NCOA2: variants seen among roughly 807,000 people sequenced by gnomAD.
NCOA2 encodes class E basic helix-loop-helix protein 75.
A neutral mutation model predicts 145.1 loss-of-function variants in NCOA2; 21 were observed. The ratio of observed to expected loss-of-function variants is 0.14; its 90% CI spans 0.10 to 0.21. NCOA2 has a LOEUF of 0.21. NCOA2 is among the 10% of genes least tolerant of loss of function. NCOA2 has a pLI of 1.00. For synonymous variants in NCOA2, 619 were observed against 637.5 expected, an observed-to-expected ratio of 0.97 and a Z score of 0.44; for missense variants, 1,472 against 1,837.6, an observed-to-expected ratio of 0.80 and a Z score of 3.64.
chr8:70,225,181 A>T (rs188699215), intron 2 of NCOA2, among the ~76,000 whole-genome samples: 34 of 152,242 alleles, frequency 2.2e-4, no homozygotes, highest in Non-Finnish European at 2.8e-4. Flanking sequence ...TTCTAACAGG[A>T]AAGTAGGGAG....
intron 4 of NCOA2, among the ~76,000 whole-genome samples, chr8:70,196,060 G>A (rs116408111): frequency 0.011 from 1,605 of 152,298 alleles, 27 homozygotes; most frequent in African/African-American, 0.036. Flanking sequence ...AGGAATTCTC[G>A]CATCTGGAGG....
intron 6 of NCOA2, among the ~76,000 whole-genome samples, chr8:70,169,785 ATC>A (rs1301898834): frequency 6.6e-6 from 1 of 152,146 alleles, no homozygotes; most frequent in Non-Finnish European, 1.5e-5. Flanking sequence ...AAATACAACA[ATC>A]TTAATGAAAA....
At chr8:70,338,851 C>T (rs114179741) in intron 1 of NCOA2, among the ~76,000 whole-genome samples, 1,750 of 152,186 alleles carry the variant, frequency 0.011, 44 homozygotes, top group African/African-American at 0.04. Context: ...ACAAAAAACA[C>T]ATGATTATCT....
rs1306285677 is a variant in NCOA2 at position 70,110,182 on chromosome 8, CAGTT to C, written c.*3446_*3449del. On this transcript the variant is annotated 3_prime_UTR_variant, in exon 23 of 23. Coordinates refer to ENST00000452400, the MANE Select transcript of NCOA2 (RefSeq NM_006540.4). ...CACAAATGACAAAGGAAAAAAATGACAGTTAAATGTCTGAAGAAATGTATCATCA... is the reference window on the plus strand; with the variant it reads ...CACAAATGACAAAGGAAAAAAATGACAAATGTCTGAAGAAATGTATCATCA... The C allele has an allele frequency of 9.9e-6, 2 of 201,534 alleles. No homozygotes were observed. The highest frequency in any genetic ancestry group is 4.6e-5 in the African/African-American group (2 of 43,702). 12.5% of individuals were successfully genotyped at this position (201,534 alleles called of 1,614,324 possible). A position where few individuals can be genotyped will look rare whatever the true frequency, so the allele number is the denominator to read the frequency against.
rs1198424071 is a variant in NCOA2, at chr8:70,144,807, G to A, written c.2647C>T (p.Pro883Ser). Residue 883 changes from proline (P) to serine (S), a missense_variant, in exon 13 of 23, where the codon CCA becomes TCA. Pro to Ser is a moderately conservative substitution (Grantham distance 74). This residue lies in a region of NCOA2 where 953 missense variants were observed against 1,062.1 expected (regional missense o/e 0.90). Transcript: ENST00000452400. ...PRPGQLGRLL[P>S]NQNLPLDITL... ...ATGTCAAGTGGTAAATTCTGGTTTG[G>A]CAATAACCTGCCCAGTTGCCCTGGT... is the stretch of plus-strand genomic sequence containing the variant. The A allele has an allele frequency of 6.2e-7, 1 of 1,613,848 alleles. No individual in the cohort carries two copies. The highest frequency in any genetic ancestry group is 8.5e-7 in the Non-Finnish European group (1 of 1,179,878).
At chr8:70,164,213 A>G (rs754886015) in intron 7 of NCOA2, among the ~76,000 whole-genome samples, 77 of 152,198 alleles carry the variant, frequency 5.1e-4, no homozygotes, top group Non-Finnish European at 9.7e-4. Flanking sequence ...CACACAGCCA[A>G]TTCTAATCAC....
chr8:70,403,129 G>C (rs998310520), intron 1 of NCOA2, among the ~76,000 whole-genome samples: 1 of 150,474 alleles, frequency 6.6e-6, no homozygotes, highest in Non-Finnish European at 1.5e-5. Flanking sequence ...GCCTCCCCTC[G>C]CCCGGCTCCC....
At chr8:70,276,997 A>G (rs1825516382) in intron 2 of NCOA2, among the ~76,000 whole-genome samples, 1 of 152,242 alleles carries the variant, frequency 6.6e-6, no homozygotes, top group African/African-American at 2.4e-5. Context: ...AAGCACAAAT[A>G]CTTTCTCTTA....
chr8:70,281,920 A>G (rs1232012608), intron 2 of NCOA2, among the ~76,000 whole-genome samples: 3 of 152,230 alleles, frequency 2.0e-5, no homozygotes, highest in Admixed American at 6.5e-5. Flanking sequence ...AAGCCTTCCT[A>G]AAAGTGTATG....
At chr8:70,281,355 C>CAAAAAA (rs372574771) in intron 2 of NCOA2, among the ~76,000 whole-genome samples, 2 of 61,020 alleles carry the variant, frequency 3.3e-5, no homozygotes, top group Admixed American at 2.0e-4. Context: ...GACCCTGTCT[C>CAAAAAA]AAAAAAAAAA....
rs964447659 is a variant in NCOA2, at chr8:70,111,959, GTT to G, written c.*1671_*1672del. On this transcript the variant is annotated 3_prime_UTR_variant, in exon 23 of 23. Coordinates refer to ENST00000452400, the MANE Select transcript of NCOA2 (RefSeq NM_006540.4). Reference sequence around the variant, plus strand: ...AGAAATAGCTCAAAAAAGGTCATCAGTTTCTTGGTATTGGAGTTGTCTGAAAC... The same window carrying G: ...AGAAATAGCTCAAAAAAGGTCATCAGTCTTGGTATTGGAGTTGTCTGAAAC... The G allele has an allele frequency of 1.4e-4, 32 of 222,292 alleles. No homozygotes were observed. Among genetic ancestry groups the G allele is most frequent in the Admixed American group, 1.1e-4 (2 of 17,424 alleles). The allele number at this position is 222,292 out of a possible 1,614,324, so 13.8% of individuals were successfully genotyped here.
intron 1 of NCOA2, among the ~76,000 whole-genome samples, chr8:70,301,655 C>CAAAAAAAAAAAA (rs71275063): frequency 1.7e-5 from 1 of 60,164 alleles, no homozygotes; most frequent in East Asian, 6.3e-4. Flanking sequence ...GACCCTTTCT[C>CAAAAAAAAAAAA]AAAAAAAAAA....
intron 4 of NCOA2, among the ~76,000 whole-genome samples, chr8:70,203,670 T>G (rs34583714): frequency 1.3e-5 from 2 of 152,216 alleles, no homozygotes; most frequent in Admixed American, 6.5e-5. Flanking sequence ...GTGGTATTTG[T>G]GCTCTTATAT....
At chr8:70,127,385 G>A (rs1402243462) in intron 18 of NCOA2, among the ~76,000 whole-genome samples, 1 of 152,172 alleles carries the variant, frequency 6.6e-6, no homozygotes, top group East Asian at 1.9e-4. Context: ...TAAACCCTGA[G>A]GATGGTAGTT....
chr8:70,304,653 G>C (rs746435495), intron 1 of NCOA2, among the ~76,000 whole-genome samples: 13 of 150,756 alleles, frequency 8.6e-5, no homozygotes, highest in Non-Finnish European at 1.8e-4. Context: ...TTTTTGTTTT[G>C]TTTTGTTTTT....
At chr8:70,191,007 T>TAGGTACAGCAA (rs1433739361) in intron 4 of NCOA2, among the ~76,000 whole-genome samples, 142 of 152,260 alleles carry the variant, frequency 9.3e-4, no homozygotes, top group African/African-American at 3.3e-3. Context: ...GAAAACTAAT[T>TAGGTACAGCAA]GAGAAGCTGG....
In NCOA2 at chr8:70,156,345, C is replaced by A. The variant is rs1404602224; in HGVS notation, c.2020G>T (p.Gly674Cys). ...TNKDSTGSLP[G>C]SGSTHGTSLK... ...GAGGTTCCATGTGTAGACCCAGAAC[C>A]AGGCAAGCTACCTGTGGAGTCTTTG... is the stretch of plus-strand genomic sequence containing the variant. The change falls in exon 11 of 23, where the codon GGT (glycine) becomes TGT (cysteine). Residue 674 changes from glycine (G) to cysteine (C), a missense_variant. Physicochemically the swap from Gly to Cys is radical, Grantham distance 159. Coordinates refer to ENST00000452400, the MANE Select transcript of NCOA2 (RefSeq NM_006540.4). 6.2e-7 allele frequency: 1 copy of A among 1,613,906 alleles called. No homozygotes were observed.
chr8:70,279,731 T>C (rs1183152955), intron 2 of NCOA2, among the ~76,000 whole-genome samples: 1 of 152,242 alleles, frequency 6.6e-6, no homozygotes, highest in Non-Finnish European at 1.5e-5. Context: ...TCCTGTAATT[T>C]TTTTTTAGAG....
intron 1 of NCOA2, among the ~76,000 whole-genome samples, chr8:70,304,174 T>G (rs138898085): frequency 2.6e-5 from 4 of 152,318 alleles, no homozygotes; most frequent in African/African-American, 9.6e-5. Context: ...CATAACAACA[T>G]TTGTCAATGA....
Sources: allele counts gnomAD v4.1 joint callset (sites outside exome capture counted in the v4.1 genomes callset), GRCh38; gene constraint gnomAD v4.1.1; regional missense constraint gnomAD v4.1.1; transcripts MANE v1.5; gene names NCBI Gene and HGNC (gene_info 2026-07-23, HGNC 2026-07-21).